The following CDH23 variants were observed in gnomAD, a reference collection of about 807,000 sequenced individuals.
CDH23 encodes cadherin-23.
CDH23 carries 189 observed loss-of-function variants against 317.1 expected under a neutral mutation model. The ratio of observed to expected loss-of-function variants is 0.60; its 90% CI spans 0.53 to 0.67. The LOEUF is 0.67. Among genes scored for constraint, CDH23 ranks in the 30% least tolerant of loss-of-function variants. The pLI, the probability that CDH23 is intolerant of heterozygous loss-of-function variation, is 0.00. For synonymous variants in CDH23, 1,839 were observed against 1,876.8 expected (o/e 0.98, Z 0.52); for missense variants, 4,401 against 4,592.4 (o/e 0.96, Z 1.20).
intron 14 of CDH23, among the ~76,000 whole-genome samples, chr10:71,674,319 A>G (rs866107751): frequency 9.9e-5 from 15 of 152,258 alleles, no homozygotes; most frequent in South Asian, 2.1e-4. Context: ...GGAACTTTAA[A>G]AGGAACCTCA....
At chr10:71,679,317 AGCTG>A in intron 16 of CDH23, 66 bp from the exon 17 acceptor site, 4 of 652,362 alleles carry the variant, frequency 6.1e-6, no homozygotes, top group Admixed American at 2.1e-5. Context: ...CCACCCTCCC[AGCTG>A]CCCACCCTCT....
At chr10:71,596,994 C>T (rs1255098527) in intron 9 of CDH23, among the ~76,000 whole-genome samples, 1 of 152,206 alleles carries the variant, frequency 6.6e-6, no homozygotes, top group Non-Finnish European at 1.5e-5. Context: ...TAATTAATCC[C>T]ACAAAGTAAT....
chr10:71,476,425 G>A (rs921271582), intron 3 of CDH23, among the ~76,000 whole-genome samples: 1 of 152,178 alleles, frequency 6.6e-6, no homozygotes, highest in African/African-American at 2.4e-5. Flanking sequence ...ACATGCTCAA[G>A]GTCACATGGC....
chr10:71,777,821 G>A lies in CDH23; in HGVS notation c.4987G>A (p.Asp1663Asn), dbSNP rs1314659447. The change falls in exon 39 of 70, where the codon GAT (aspartate) becomes AAT (asparagine). Residue 1663 changes from aspartate (D) to asparagine (N), a missense_variant. By Grantham distance (23) the Asp-to-Asn change is conservative (BLOSUM62 1). Coordinates refer to ENST00000224721, the MANE Select transcript of CDH23 (RefSeq NM_022124.6). ...SLITIQALDLDEGPNGTVTYA... is the reference protein window; with the variant it reads ...SLITIQALDLNEGPNGTVTYA... ...CATCACCATCCAGGCACTGGACCTG[G>A]ATGAGGGTCCCAACGGCACAGTCAC... The A allele has an allele frequency of 1.2e-6, 2 of 1,613,834 alleles. No homozygotes were observed. The highest frequency in any genetic ancestry group is 1.7e-5 in the Admixed American group (1 of 60,000).
intron 9 of CDH23, among the ~76,000 whole-genome samples, chr10:71,587,965 A>G (rs1413246526): frequency 6.6e-6 from 1 of 152,256 alleles, no homozygotes; most frequent in Non-Finnish European, 1.5e-5. Flanking sequence ...TTACAAAGAT[A>G]TTAAGCCTGA....
intron 29 of CDH23, among the ~76,000 whole-genome samples, chr10:71,724,914 G>A (rs1037495092): frequency 6.6e-6 from 1 of 152,236 alleles, no homozygotes; most frequent in East Asian, 1.9e-4. Context: ...AAAGATGGGG[G>A]AATGAGTGCT....
rs567149479 is a variant in CDH23, at chr10:71,709,014, G to A, written c.3107-84G>A. On this transcript the variant is annotated intron_variant, in intron 26 of 69. Transcript: ENST00000224721. ...CCCACTCCTGGACTCACCATCGCGG[G>A]TCCCAGCTCAGGAGCAGAGTCCCCG... is the stretch of plus-strand genomic sequence containing the variant. The A allele has an allele frequency of 3.7e-4, 465 of 1,247,006 alleles. 3 individuals carry two copies. In the African/African-American group the frequency reaches 6.1e-3, roughly 16 times the overall value. 77.2% of individuals were successfully genotyped at this position (1,247,006 alleles called of 1,614,324 possible). A position where few individuals can be genotyped will look rare whatever the true frequency, so the allele number is the denominator to read the frequency against.
rs1186653753 is a variant in CDH23 at position 71,660,960 on chromosome 10, A to ATGTG, written c.1450-14151_1450-14150insGTGT. On this transcript the variant is annotated intron_variant, in intron 14 of 69. Coordinates refer to ENST00000224721, the MANE Select transcript of CDH23 (RefSeq NM_022124.6). ...AAGCTGCGCTCCTGTCACGTGTGTT[A>ATGTG]TCGAAGCCTCATGACAACCTGGTGA... 7.0e-4 allele frequency among the ~76,000 whole-genome samples: 107 copies of ATGTG among 152,328 alleles called. 1 individual carries two copies. Among genetic ancestry groups the ATGTG allele is most frequent in the Non-Finnish European group, 9.8e-4 (67 of 68,032 alleles).
chr10:71,466,147 G>A (rs1276884353), intron 3 of CDH23, among the ~76,000 whole-genome samples: 1 of 152,224 alleles, frequency 6.6e-6, no homozygotes, highest in Non-Finnish European at 1.5e-5. Flanking sequence ...GTGTGTGTCT[G>A]AGAAAGGGAG....
chr10:71,691,876 G>A lies in CDH23; in HGVS notation c.2176+1292G>A, dbSNP rs554654586. On this transcript the variant is annotated intron_variant, in intron 20 of 69. Coordinates refer to ENST00000224721, the MANE Select transcript of CDH23 (RefSeq NM_022124.6). ...CAATCCCTTTTCCTGGAGGCTTGGG[G>A]AGCAGATGGCCGGTGCTGATGGGTA... Among the ~76,000 whole-genome samples the A allele has an allele frequency of 7.9e-5, 12 of 152,298 alleles. No individual in the cohort carries two copies. The South Asian group carries it at 2.3e-3, about 29-fold the overall frequency.
At chr10:71,587,670 C>G (rs892541130) in intron 9 of CDH23, among the ~76,000 whole-genome samples, 1 of 152,166 alleles carries the variant, frequency 6.6e-6, no homozygotes, top group Admixed American at 6.5e-5. Context: ...GGGAGGAGAT[C>G]CTCGTAGCTC....
intron 14 of CDH23, among the ~76,000 whole-genome samples, chr10:71,655,949 G>A (rs1484486042): frequency 6.6e-6 from 1 of 152,152 alleles, no homozygotes; most frequent in African/African-American, 2.4e-5. Context: ...ACAAGCATAT[G>A]CAGAAGACTG....
At chr10:71,451,459 C>T (rs10999815) in intron 3 of CDH23, among the ~76,000 whole-genome samples, 51,672 of 152,114 alleles carry the variant, frequency 0.34, 10,888 homozygotes, top group East Asian at 0.48. Flanking sequence ...CTATCCCCCT[C>T]GCTAGCTCTA....
chr10:71,693,970 G>A (rs1048925516), intron 20 of CDH23, among the ~76,000 whole-genome samples, 177 bp from the exon 21 acceptor site: 3 of 152,174 alleles, frequency 2.0e-5, no homozygotes, highest in East Asian at 1.9e-4. Context: ...GAGCTCTCCC[G>A]TCTCCCACTG....
At chr10:71,729,709 T>C (rs1192779067) in intron 30 of CDH23, among the ~76,000 whole-genome samples, 1 of 152,214 alleles carries the variant, frequency 6.6e-6, no homozygotes, top group Non-Finnish European at 1.5e-5. Context: ...ACCTCTATTT[T>C]CCAAGATATA....
chr10:71,643,781 G>T (rs1862689544), intron 11 of CDH23, 80 bp from the exon 12 acceptor site: 2 of 758,530 alleles, frequency 2.6e-6, no homozygotes, highest in Non-Finnish European at 2.4e-6. Context: ...TTTTCTCTCT[G>T]GTTCCTTCCT....
At chr10:71,803,945 A>G (rs2132979962) in intron 55 of CDH23, among the ~76,000 whole-genome samples, 1 of 146,472 alleles carries the variant, frequency 6.8e-6, no homozygotes, top group African/African-American at 2.5e-5. Flanking sequence ...AGATCACACC[A>G]CTACACTCCA....
intron 14 of CDH23, among the ~76,000 whole-genome samples, chr10:71,666,326 C>T (rs1381123265): frequency 6.6e-6 from 1 of 152,066 alleles, no homozygotes; most frequent in Non-Finnish European, 1.5e-5. Context: ...CCGCTCACTC[C>T]CTGGTACCAT....
At position 71,654,928 on chromosome 10, in the gene CDH23, T is replaced by A. The variant is rs190732567; in HGVS notation, c.1449+8311T>A. 2.6e-5 allele frequency among the ~76,000 whole-genome samples: 4 copies of A among 152,238 alleles called. No individual in the cohort carries two copies. In the East Asian group the frequency reaches 7.7e-4, roughly 29 times the overall value. ...TTTAAGTCACCAGGGCAAGTCCAGA[T>A]TCAAGGAGAGAGGACGTAGATCTCC... On this transcript the variant is annotated intron_variant, in intron 14 of 69. Transcript: ENST00000224721.
Sources: allele counts gnomAD v4.1 joint callset (sites outside exome capture counted in the v4.1 genomes callset), GRCh38; gene constraint gnomAD v4.1.1; transcripts MANE v1.5; gene names NCBI Gene and HGNC (gene_info 2026-07-23, HGNC 2026-07-21).